Variants in PTPRD observed in about 807,000 individuals in gnomAD.
PTPRD encodes receptor-type tyrosine-protein phosphatase delta.
In PTPRD, 34 loss-of-function variants were observed where a neutral mutation model predicts 214.5. The observed-to-expected ratio is 0.16, with a 90% confidence interval of 0.12 to 0.21. PTPRD has a LOEUF of 0.21. PTPRD is among the 10% of genes least tolerant of loss of function. The probability of loss-of-function intolerance (pLI) is 1.00; values close to 1 mark genes in which losing one functional copy is unlikely to be tolerated. For synonymous variants in PTPRD, 1,128 were observed against 845.7 expected (o/e 1.33, Z -5.79); for missense variants, 2,545 against 2,398.7 (o/e 1.06, Z -1.27).
chr9:10,326,127 A>G (rs2096638790), intron 3 of PTPRD, among the ~76,000 whole-genome samples: 1 of 151,738 alleles, frequency 6.6e-6, no homozygotes, highest in Non-Finnish European at 1.5e-5. Flanking sequence ...AACAAAACTA[A>G]AAAACAATCT....
At chr9:8,921,518 G>T (rs1008178674) in intron 11 of PTPRD, among the ~76,000 whole-genome samples, 8 of 151,636 alleles carry the variant, frequency 5.3e-5, no homozygotes, top group Admixed American at 2.6e-4. Flanking sequence ...TTTTGAGACA[G>T]AGTCTCACTC....
intron 7 of PTPRD, among the ~76,000 whole-genome samples, chr9:9,585,884 T>C (rs1037223433): frequency 7.2e-5 from 11 of 151,948 alleles, no homozygotes; most frequent in Non-Finnish European, 1.6e-4. Flanking sequence ...GTGTTCTGAT[T>C]GGAGATAAAT....
At chr9:9,514,425 T>C (rs1327789986) in intron 8 of PTPRD, among the ~76,000 whole-genome samples, 1 of 152,096 alleles carries the variant, frequency 6.6e-6, no homozygotes, top group African/African-American at 2.4e-5. Flanking sequence ...AAGATGAAGC[T>C]AGAGCAAAAG....
At chr9:8,384,904 T>C (rs903284035) in intron 37 of PTPRD, among the ~76,000 whole-genome samples, 1 of 152,218 alleles carries the variant, frequency 6.6e-6, no homozygotes, top group Non-Finnish European at 1.5e-5. Flanking sequence ...TCAGGGTTGA[T>C]AGCTGAATGT....
At chr9:8,775,942 C>A (rs7022968) in intron 11 of PTPRD, among the ~76,000 whole-genome samples, 1 of 151,884 alleles carries the variant, frequency 6.6e-6, no homozygotes, top group South Asian at 2.1e-4. Context: ...TTAGGCTGGG[C>A]CAGTCCTAAC....
chr9:8,765,918 A>C (rs2094701896), intron 11 of PTPRD, among the ~76,000 whole-genome samples: 1 of 152,160 alleles, frequency 6.6e-6, no homozygotes, highest in Non-Finnish European at 1.5e-5. Context: ...CAAATATTTT[A>C]ACCAAAATGA....
Position 10,600,472 on chromosome 9 carries a change from C to G in PTPRD, c.-600+11926G>C, listed in dbSNP as rs2077686620. Among the ~76,000 whole-genome samples the G allele has an allele frequency of 2.0e-5, 3 of 151,716 alleles. No individual in the cohort carries two copies. The South Asian group carries it at 6.2e-4, about 31-fold the overall frequency. On this transcript the variant is annotated intron_variant, in intron 2 of 45. Coordinates refer to ENST00000381196, the MANE Select transcript of PTPRD (RefSeq NM_002839.4). Reference sequence around the variant, plus strand: ...TACTCAACAGATGTTAGAGCAACATCTCCAGCAACAAAGACCTGGAGCTCA... The same window carrying G: ...TACTCAACAGATGTTAGAGCAACATGTCCAGCAACAAAGACCTGGAGCTCA...
At chr9:10,541,155 C>T (rs1425760633) in intron 2 of PTPRD, among the ~76,000 whole-genome samples, 2 of 152,050 alleles carry the variant, frequency 1.3e-5, no homozygotes, top group African/African-American at 4.8e-5. Flanking sequence ...ATTTTATTCC[C>T]ATAGATAGTG....
intron 11 of PTPRD, among the ~76,000 whole-genome samples, chr9:8,798,615 C>T (rs2096497843): frequency 1.3e-5 from 2 of 152,188 alleles, no homozygotes; most frequent in African/African-American, 4.8e-5. Flanking sequence ...CTTTTTTACT[C>T]ATCCATTCAT....
chr9:8,838,568 G>A (rs994819295), intron 11 of PTPRD, among the ~76,000 whole-genome samples: 26 of 140,104 alleles, frequency 1.9e-4, no homozygotes, highest in African/African-American at 5.8e-4. Flanking sequence ...AAAAATAAAA[G>A]AGAGAAAACA....
rs146601263 is a variant in PTPRD, at chr9:10,001,675, G to A, written c.-472+32043C>T. 8.3e-4 allele frequency among the ~76,000 whole-genome samples: 127 copies of A among 152,106 alleles called. 1 individual carries two copies. Among genetic ancestry groups the A allele is most frequent in the African/African-American group, 3.0e-3 (124 of 41,510 alleles). On this transcript the variant is annotated intron_variant, in intron 4 of 45. Transcript: ENST00000381196. ...CAAAATTATTTTTTAAAACATAGGA[G>A]AAATAATAAAATAAATGGTTTAACA... is the stretch of plus-strand genomic sequence containing the variant.
At chr9:9,007,356 G>A (rs2099480010) in intron 11 of PTPRD, among the ~76,000 whole-genome samples, 1 of 150,236 alleles carries the variant, frequency 6.7e-6, no homozygotes, top group Non-Finnish European at 1.5e-5. Context: ...GAGGAACAAG[G>A]AGGGTGTAGT....
At chr9:10,542,182 T>A (rs1330074860) in intron 2 of PTPRD, among the ~76,000 whole-genome samples, 1 of 152,122 alleles carries the variant, frequency 6.6e-6, no homozygotes, top group Non-Finnish European at 1.5e-5. Flanking sequence ...TTTTACTTAA[T>A]AAACACAGCT....
At chr9:10,574,104 G>C (rs1391960053) in intron 2 of PTPRD, among the ~76,000 whole-genome samples, 1 of 152,098 alleles carries the variant, frequency 6.6e-6, no homozygotes. Context: ...TGAAACAAAT[G>C]AGGGACACTC....
intron 35 of PTPRD, among the ~76,000 whole-genome samples, chr9:8,412,385 G>T (rs543837090): frequency 1.3e-5 from 2 of 152,002 alleles, no homozygotes; most frequent in African/African-American, 2.4e-5. Context: ...ACTAATTTAC[G>T]GTGTTAGTAA....
chr9:8,929,701 A>T (rs1271391996), intron 11 of PTPRD, among the ~76,000 whole-genome samples: 3 of 145,496 alleles, frequency 2.1e-5, no homozygotes, highest in Non-Finnish European at 4.5e-5. Flanking sequence ...GTATATATAT[A>T]TGTGTATATA....
intron 7 of PTPRD, among the ~76,000 whole-genome samples, chr9:9,685,246 A>G (rs2097146953): frequency 7.1e-6 from 1 of 140,438 alleles, no homozygotes; most frequent in Non-Finnish European, 1.5e-5. Context: ...TTTGTATAGC[A>G]TATATATTAT....
At chr9:8,455,383 G>A (rs530255818) in intron 33 of PTPRD, among the ~76,000 whole-genome samples, 9 of 152,116 alleles carry the variant, frequency 5.9e-5, no homozygotes, top group Non-Finnish European at 1.3e-4. Context: ...CCTTTCACCT[G>A]TGATAATATG....
Position 9,384,366 on chromosome 9 carries a change from T to G in PTPRD, c.-203+13083A>C, listed in dbSNP as rs1034509300. Among the ~76,000 whole-genome samples the G allele has an allele frequency of 3.7e-3, 462 of 124,196 alleles. 11 individuals are homozygous for G. The highest frequency in any genetic ancestry group is 0.014 in the African/African-American group (439 of 31,518). The allele number at this position is 124,196 out of a possible 152,430, so 81.5% of individuals were successfully genotyped here. ...GGCTTTTTTTTTTTTTTTTTTTTTT[T>G]TTTTTTTTTTTTTTTTTTCTGGTGG... is the stretch of plus-strand genomic sequence containing the variant. On this transcript the variant is annotated intron_variant, in intron 9 of 45. Transcript: ENST00000381196.
Sources: allele counts gnomAD v4.1 joint callset (sites outside exome capture counted in the v4.1 genomes callset), GRCh38; gene constraint gnomAD v4.1.1; transcripts MANE v1.5; gene names NCBI Gene and HGNC (gene_info 2026-07-23, HGNC 2026-07-21).